NAPEPLD: variants seen among roughly 807,000 people sequenced by gnomAD.
NAPEPLD encodes N-acyl-phosphatidylethanolamine-hydrolyzing phospholipase D.
A neutral mutation model predicts 38.1 loss-of-function variants in NAPEPLD; 23 were observed. The ratio of observed to expected loss-of-function variants is 0.60; its 90% CI spans 0.43 to 0.86. The LOEUF (loss-of-function observed/expected upper bound fraction) is 0.86. Ranked by LOEUF, NAPEPLD falls within the 40% of genes least tolerant of loss-of-function variation. The pLI is 0.00. For missense variants in NAPEPLD, 411 were observed against 476.8 expected (o/e 0.86, Z 1.28); for synonymous variants, 147 against 162.0 (o/e 0.91, Z 0.71).
At chr7:103,148,537 A>G (rs1813067762) in intron 1 of NAPEPLD, among the ~76,000 whole-genome samples, 1 of 151,732 alleles carries the variant, frequency 6.6e-6, no homozygotes, top group African/African-American at 2.4e-5. Flanking sequence ...AAAGCCCACA[A>G]TAATACCCAA....
chr7:103,109,308 C>T lies in NAPEPLD; in HGVS notation c.1056+5752G>A, dbSNP rs1270782984. ...ATACATTCTTCTCAGAAACACATCG[C>T]ACTTATTCTAAAACTCACCACATAA... On this transcript the variant is annotated intron_variant, in intron 4 of 4. Coordinates refer to ENST00000465647, the MANE Select transcript of NAPEPLD (RefSeq NM_001122838.3). Among the ~76,000 whole-genome samples the T allele has an allele frequency of 2.0e-5, 3 of 152,176 alleles. No homozygotes were observed. In the East Asian group the frequency reaches 5.8e-4, roughly 29 times the overall value.
chr7:103,126,345 C>T (rs1236449651), intron 2 of NAPEPLD, among the ~76,000 whole-genome samples: 1 of 152,228 alleles, frequency 6.6e-6, no homozygotes, highest in African/African-American at 2.4e-5. Context: ...AATCTGCACT[C>T]AATCAACAGA....
chr7:103,130,334 T>C (rs904453408), intron 1 of NAPEPLD, among the ~76,000 whole-genome samples: 1 of 152,162 alleles, frequency 6.6e-6, no homozygotes, highest in African/African-American at 2.4e-5. Context: ...CCCAGCTGAC[T>C]AAAGCTAAAG....
At chr7:103,124,428 A>G (rs1585862273) in intron 2 of NAPEPLD, among the ~76,000 whole-genome samples, 1 of 152,136 alleles carries the variant, frequency 6.6e-6, no homozygotes, top group African/African-American at 2.4e-5. Flanking sequence ...ACTGCACTCC[A>G]GCCTGGGCAA....
intron 2 of NAPEPLD, chr7:103,127,124 CCA>C (rs1807984704): frequency 6.6e-6 from 1 of 152,034 alleles, no homozygotes; most frequent in Admixed American, 6.6e-5. Flanking sequence ...AAAGGGCCCA[CCA>C]CACACAGAGC....
chr7:103,114,743 G>A (rs1224669722), intron 4 of NAPEPLD, among the ~76,000 whole-genome samples: 1 of 152,180 alleles, frequency 6.6e-6, no homozygotes, highest in Non-Finnish European at 1.5e-5. Context: ...GCCTGCTTGA[G>A]GGGTGAGACA....
rs200496109 is a variant in NAPEPLD, at chr7:103,119,620, G to A, written c.898C>T (p.Pro300Ser). The A allele has an allele frequency of 1.2e-6, 2 of 1,614,042 alleles. No individual in the cohort carries two copies. Among genetic ancestry groups the A allele is most frequent in the East Asian group, 2.2e-5 (1 of 44,868 alleles). ...ATGGGAATAGCTGCAAGGTCAAAAGGTCCAAATCTTTTTCCTATCTCTTCA... is the reference window on the plus strand; with the variant it reads ...ATGGGAATAGCTGCAAGGTCAAAAGATCCAAATCTTTTTCCTATCTCTTCA... ...AFEEIGKRFG[P>S]FDLAAIPIGA... Residue 300 changes from proline (P) to serine (S), a missense_variant, in exon 3 of 5, where the codon CCT (proline) becomes TCT (serine). By Grantham distance (74) the Pro-to-Ser change is moderately conservative. Transcript: ENST00000465647.
At chr7:103,108,444 C>A (rs932049718) in intron 4 of NAPEPLD, among the ~76,000 whole-genome samples, 2 of 152,180 alleles carry the variant, frequency 1.3e-5, no homozygotes, top group African/African-American at 4.8e-5. Flanking sequence ...CCCAGCTCAA[C>A]ATTCTTAAAA....
intron 3 of NAPEPLD, among the ~76,000 whole-genome samples, chr7:103,115,687 G>A (rs547147549): frequency 6.6e-6 from 1 of 152,232 alleles, no homozygotes; most frequent in East Asian, 1.9e-4. Context: ...CAGTGGTGCT[G>A]GCCAGCAATT....
At chr7:103,126,911 AG>A (rs1423807321) in intron 2 of NAPEPLD, 1 of 150,628 alleles carries the variant, frequency 6.6e-6, no homozygotes, top group Non-Finnish European at 1.5e-5. Context: ...TATAGGCATG[AG>A]CTACTGCACC....
At position 103,100,904 on chromosome 7, in the gene NAPEPLD, T is replaced by TA. The variant is rs1343413933; in HGVS notation, c.*2524dup. 4.6e-5 allele frequency: 7 copies of TA among 152,162 alleles called. No homozygotes were observed. Among genetic ancestry groups the TA allele is most frequent in the African/African-American group, 1.7e-4 (7 of 41,530 alleles). The allele number at this position is 152,162 out of a possible 1,614,324, so 9.4% of individuals were successfully genotyped here. On this transcript the variant is annotated 3_prime_UTR_variant, in exon 5 of 5. Coordinates refer to ENST00000465647, the MANE Select transcript of NAPEPLD (RefSeq NM_001122838.3). ...AGTGTAGAAAGAACATGAGTGGTAATAAAAAATTACAGCTTACAAAAGGGC... is the reference window on the plus strand; with the variant it reads ...AGTGTAGAAAGAACATGAGTGGTAATAAAAAAATTACAGCTTACAAAAGGGC...
At chr7:103,120,644 T>C (rs1283083210) in intron 2 of NAPEPLD, among the ~76,000 whole-genome samples, 2 of 149,682 alleles carry the variant, frequency 1.3e-5, no homozygotes, top group Non-Finnish European at 3.0e-5. Flanking sequence ...AGAAAGCTTA[T>C]GACCATTTAT....
chr7:103,140,838 C>A (rs1811146307), intron 1 of NAPEPLD, among the ~76,000 whole-genome samples: 1 of 152,086 alleles, frequency 6.6e-6, no homozygotes. Context: ...GCCCAAGGAG[C>A]AGAAGCTGAA....
intron 2 of NAPEPLD, among the ~76,000 whole-genome samples, chr7:103,122,027 A>G (rs1806801788): frequency 6.6e-6 from 1 of 152,162 alleles, no homozygotes; most frequent in South Asian, 2.1e-4. Context: ...GCAGGGGACA[A>G]ACTAAATCTA....
chr7:103,106,733 A>C (rs1197645984), intron 4 of NAPEPLD, among the ~76,000 whole-genome samples: 2 of 151,212 alleles, frequency 1.3e-5, no homozygotes, highest in African/African-American at 4.9e-5. Context: ...ATCTCTAAAA[A>C]AAAAAGGCAG....
intron 1 of NAPEPLD, among the ~76,000 whole-genome samples, chr7:103,134,315 A>G (rs1049158830): frequency 6.6e-6 from 1 of 152,222 alleles, no homozygotes; most frequent in Non-Finnish European, 1.5e-5. Context: ...GAAAATTTAA[A>G]GGTAACAAAC....
At chr7:103,121,190 G>A (rs1271618038) in intron 2 of NAPEPLD, among the ~76,000 whole-genome samples, 2 of 152,150 alleles carry the variant, frequency 1.3e-5, no homozygotes, top group Admixed American at 6.5e-5. Flanking sequence ...AAGGGGGGCC[G>A]TAAATGGATA....
At chr7:103,117,090 T>C (rs969010139) in intron 3 of NAPEPLD, among the ~76,000 whole-genome samples, 2 of 152,242 alleles carry the variant, frequency 1.3e-5, no homozygotes, top group African/African-American at 4.8e-5. Context: ...GTATTCACAT[T>C]ATTTACATCC....
At chr7:103,145,767 T>A (rs966117087) in intron 1 of NAPEPLD, among the ~76,000 whole-genome samples, 2 of 152,160 alleles carry the variant, frequency 1.3e-5, no homozygotes, top group Non-Finnish European at 2.9e-5. Context: ...GTATCAGCCA[T>A]GCTGTCACCC....
Sources: gnomAD v4.1 joint callset for allele counts (sites outside exome capture counted in the v4.1 genomes callset) on GRCh38, gnomAD v4.1.1 for gene constraint, MANE v1.5 for transcripts, NCBI Gene and HGNC (gene_info 2026-07-23, HGNC 2026-07-21) for gene names.